The following DNAH14 variants were observed in gnomAD, a reference collection of about 807,000 sequenced individuals.
DNAH14 encodes the protein dynein axonemal heavy chain 14.
In DNAH14, 478 loss-of-function variants were observed where a neutral mutation model predicts 520.9. The ratio of observed to expected loss-of-function variants is 0.92; its 90% confidence interval spans 0.85 to 0.99. The LOEUF (loss-of-function observed/expected upper bound fraction) is 0.99, where lower values mean the gene tolerates loss of function less well. DNAH14 is among the 50% of genes least tolerant of loss of function. The pLI, the probability that DNAH14 is intolerant of heterozygous loss-of-function variation, is 0.00. For missense variants in DNAH14, 4,831 were observed against 5,234.5 expected (o/e 0.92, Z 2.38); for synonymous variants, 1,581 against 1,757.2 (o/e 0.90, Z 2.51).
At chr1:225,231,440 A>G (rs1169415311) in intron 42 of DNAH14, among the ~76,000 whole-genome samples, 2 of 152,184 alleles carry the variant, frequency 1.3e-5, no homozygotes, top group Non-Finnish European at 2.9e-5. Flanking sequence ...TGAATCTGCC[A>G]TTTATGAACT....
chr1:225,388,743 C>T (rs181850045), intron 82 of DNAH14, among the ~76,000 whole-genome samples: 80 of 152,180 alleles, frequency 5.3e-4, no homozygotes, highest in Non-Finnish European at 8.2e-4. Context: ...AAGAAATGCA[C>T]AGGGTGAAAT....
At chr1:225,364,533 T>C (rs1334072222) in intron 75 of DNAH14, among the ~76,000 whole-genome samples, 1 of 152,174 alleles carries the variant, frequency 6.6e-6, no homozygotes, top group Non-Finnish European at 1.5e-5. Context: ...TGTTCTTAAT[T>C]TGTAATTATT....
chr1:225,335,033 TATATACAC>T (rs1241456986), intron 66 of DNAH14, among the ~76,000 whole-genome samples: 1 of 148,772 alleles, frequency 6.7e-6, no homozygotes, highest in Admixed American at 6.8e-5. Context: ...TATACATACA[TATATACAC>T]ATATATACAT....
intron 11 of DNAH14, chr1:225,024,375 C>T: frequency 2.0e-6 from 1 of 492,558 alleles, no homozygotes; most frequent in Non-Finnish European, 2.6e-6. Context: ...ACCTTCTAAA[C>T]ACTACTGTTA....
intron 60 of DNAH14, among the ~76,000 whole-genome samples, chr1:225,310,805 C>G (rs1574680733): frequency 6.6e-6 from 1 of 152,122 alleles, no homozygotes; most frequent in African/African-American, 2.4e-5. Context: ...GCATAGTATT[C>G]CATGGTGTAT....
In DNAH14 at chr1:225,076,509, A is replaced by G. The variant is rs369603560; in HGVS notation, c.2425-2698A>G. ...TAATTGTTATAGTTGATGTTTCTACAGGGATATGATTGCTGGAGAGTACGA... is the reference window on the plus strand; with the variant it reads ...TAATTGTTATAGTTGATGTTTCTACGGGGATATGATTGCTGGAGAGTACGA... On this transcript the variant is annotated intron_variant, in intron 17 of 85. Coordinates refer to ENST00000682510, the MANE Select transcript of DNAH14 (RefSeq NM_001367479.1). 9.3e-4 allele frequency among the ~76,000 whole-genome samples: 142 copies of G among 152,324 alleles called. 3 individuals are homozygous for G. Among genetic ancestry groups the G allele is most frequent in the Middle Eastern group, 3.4e-3 (1 of 294 alleles).
chr1:225,039,235 TG>T lies in DNAH14; in HGVS notation c.1488+414del, dbSNP rs541648651. On this transcript the variant is annotated intron_variant, in intron 12 of 85. Transcript: ENST00000682510. ...TGTTGTATGCTATTTTACATAGGAA[TG>T]GTAAGGGAAGGCCACCCTATGTAAA... 3.0e-3 allele frequency among the ~76,000 whole-genome samples: 451 copies of T among 152,300 alleles called. 2 individuals carry two copies. Among genetic ancestry groups the T allele is most frequent in the African/African-American group, 0.01 (421 of 41,564 alleles).
intron 54 of DNAH14, among the ~76,000 whole-genome samples, chr1:225,282,354 G>T (rs528246514): frequency 9.9e-5 from 15 of 152,152 alleles, no homozygotes; most frequent in Admixed American, 3.9e-4. Flanking sequence ...TCTTCTATAC[G>T]CATTTTAAGG....
At chr1:225,066,515 G>A (rs919312395) in intron 17 of DNAH14, among the ~76,000 whole-genome samples, 4 of 151,342 alleles carry the variant, frequency 2.6e-5, no homozygotes, top group East Asian at 1.9e-4. Context: ...TTTTTATTTC[G>A]ATAGTTTTGG....
chr1:225,341,535 G>A (rs566386490), intron 69 of DNAH14, among the ~76,000 whole-genome samples: 2 of 152,192 alleles, frequency 1.3e-5, no homozygotes, highest in Admixed American at 6.5e-5. Flanking sequence ...ACTTGGTGGC[G>A]CATGCCTGTA....
At position 225,346,135 on chromosome 1, in the gene DNAH14, G is replaced by C. The variant is rs541879299; in HGVS notation, c.10852G>C (p.Ala3618Pro). The C allele has an allele frequency of 1.7e-4, 262 of 1,551,678 alleles. 4 individuals are homozygous for C. In the South Asian group the frequency reaches 3.0e-3, roughly 18 times the overall value. Residue 3618 changes from alanine to proline, a missense_variant, in exon 70 of 86, where the codon GCT becomes CCT. By Grantham distance (27) the Ala-to-Pro change is conservative. Transcript: ENST00000682510. ...AGGCGCCCTGCTCTACTTCCTAGTA[G>C]CTGATCTCACACAAATCAACTACAT... ...TRGALLYFLV[A>P]DLTQINYMYQ...
intron 7 of DNAH14, among the ~76,000 whole-genome samples, chr1:224,972,755 G>T (rs554656889): frequency 6.6e-6 from 1 of 152,136 alleles, no homozygotes; most frequent in Non-Finnish European, 1.5e-5. Context: ...GTGAGCCACC[G>T]CGCTTGGCCA....
chr1:225,073,333 C>T (rs1305790660), intron 17 of DNAH14, among the ~76,000 whole-genome samples: 2 of 152,086 alleles, frequency 1.3e-5, no homozygotes, highest in East Asian at 1.9e-4. Flanking sequence ...GGCAGCCTGC[C>T]CCTCCCTCTG....
rs570876072 is a variant in DNAH14 at position 225,275,988 on chromosome 1, T to C, written c.8085T>C (p.His2695=). The C allele has an allele frequency of 1.1e-4, 47 of 418,156 alleles. No individual in the cohort carries two copies. Among genetic ancestry groups the C allele is most frequent in the South Asian group, 5.1e-4 (27 of 53,236 alleles). 25.9% of individuals were successfully genotyped at this position (418,156 alleles called of 1,614,324 possible). ...ACTTCTTGGATATAAACAAGACTCA[T>C]AGAAAAAAGATTTATCAGAATACCA... is the stretch of plus-strand genomic sequence containing the variant. ...FLDFLDINKT[H]RKKIYQNTSD... Residue 2695 remains histidine, a synonymous_variant, in exon 53 of 86, where the codon CAT becomes CAC. Coordinates refer to ENST00000682510, the MANE Select transcript of DNAH14 (RefSeq NM_001367479.1).
intron 25 of DNAH14, 63 bp downstream of exon 25, chr1:225,118,062 T>A (rs766262988): frequency 8.1e-7 from 1 of 1,242,156 alleles, no homozygotes; most frequent in Non-Finnish European, 1.2e-6. Flanking sequence ...ATCTCTGCTT[T>A]GAAATTTTTG....
chr1:225,304,088 C>T (rs1202834160), intron 57 of DNAH14, among the ~76,000 whole-genome samples: 1 of 152,132 alleles, frequency 6.6e-6, no homozygotes, highest in African/African-American at 2.4e-5. Flanking sequence ...ATCATCAGGA[C>T]TAGGTTATGT....
chr1:225,354,972 T>C (rs971991824), intron 73 of DNAH14, among the ~76,000 whole-genome samples: 2 of 152,214 alleles, frequency 1.3e-5, no homozygotes, highest in African/African-American at 4.8e-5. Flanking sequence ...GAAGTTTTGT[T>C]TGGTTTTTTA....
chr1:225,273,134 A>G lies in DNAH14; in HGVS notation c.8010+9A>G, dbSNP rs1410252925. Reference sequence around the variant, plus strand: ...TTGAGAACTGTTTTCAGGTAAATTTATATTTTAAAAATTATTGGCCGGGTG... The same window carrying G: ...TTGAGAACTGTTTTCAGGTAAATTTGTATTTTAAAAATTATTGGCCGGGTG... On this transcript the variant is annotated intron_variant, in intron 52 of 85. Coordinates refer to ENST00000682510, the MANE Select transcript of DNAH14 (RefSeq NM_001367479.1). The G allele has an allele frequency of 3.9e-6, 6 of 1,545,038 alleles. No individual in the cohort carries two copies. Among genetic ancestry groups the G allele is most frequent in the Middle Eastern group, 1.7e-4 (1 of 5,952 alleles).
intron 37 of DNAH14, among the ~76,000 whole-genome samples, chr1:225,192,298 A>T (rs2085550510): frequency 6.6e-6 from 1 of 152,128 alleles, no homozygotes; most frequent in South Asian, 2.1e-4. Context: ...TTCTGGCAAG[A>T]CAGGTTAAAA....
Sources: gnomAD v4.1 joint callset for allele counts (sites outside exome capture counted in the v4.1 genomes callset) on GRCh38, gnomAD v4.1.1 for gene constraint, MANE v1.5 for transcripts, NCBI Gene and HGNC (gene_info 2026-07-23, HGNC 2026-07-21) for gene names.